Variants in TMEM74 observed in about 807,000 individuals in gnomAD.
TMEM74 encodes transmembrane protein 74.
Under a neutral mutation model 18.1 loss-of-function variants are expected in TMEM74, and 13 were observed. The observed-to-expected ratio is 0.72, with a 90% CI of 0.47 to 1.14. The LOEUF (loss-of-function observed/expected upper bound fraction) is 1.14. Among genes scored for constraint, TMEM74 ranks in the 50% most tolerant of loss-of-function variants. The pLI, the probability that TMEM74 is intolerant of heterozygous loss-of-function variation, is 0.00. For missense variants in TMEM74, 372 were observed against 375.9 expected (o/e 0.99, Z 0.09); for synonymous variants, 159 against 146.6 (o/e 1.08, Z -0.61).
chr8:108,749,959 T>A (rs1813888150), intron 1 of TMEM74, among the ~76,000 whole-genome samples: 1 of 152,116 alleles, frequency 6.6e-6, no homozygotes, highest in African/African-American at 2.4e-5. Flanking sequence ...TCTCCTTTCA[T>A]GACCTCTCCT....
At chr8:108,778,016 T>C (rs955845534), downstream of TMEM74, among the ~76,000 whole-genome samples, 1 of 152,182 alleles carries the variant, frequency 6.6e-6, no homozygotes, top group Non-Finnish European at 1.5e-5. Context: ...AAAGATCTAC[T>C]AAATTTGCCT....
intron 1 of TMEM74, among the ~76,000 whole-genome samples, chr8:108,772,215 T>C (rs1254636943): frequency 2.0e-5 from 3 of 152,204 alleles, no homozygotes; most frequent in Non-Finnish European, 4.4e-5. Flanking sequence ...TCATGTTTTC[T>C]AACTTTAATT....
intron 1 of TMEM74, among the ~76,000 whole-genome samples, chr8:108,772,152 T>C (rs983389075): frequency 6.6e-6 from 1 of 151,726 alleles, no homozygotes; most frequent in Admixed American, 6.5e-5. Flanking sequence ...AGACATACCT[T>C]AGCATTTGGC....
At chr8:108,643,697 G>A (rs529608722) in intron 2 of TMEM74, among the ~76,000 whole-genome samples, 2 of 151,260 alleles carry the variant, frequency 1.3e-5, no homozygotes, top group Admixed American at 6.6e-5. Flanking sequence ...TGGCAAGAAC[G>A]CATCTCTAAA....
At chr8:108,651,656 G>GGT (rs567542093) in intron 2 of TMEM74, among the ~76,000 whole-genome samples, 76 of 151,856 alleles carry the variant, frequency 5.0e-4, no homozygotes, top group African/African-American at 1.8e-3. Context: ...GGAGCTTTGA[G>GGT]GTGTGTGTGT....
chr8:108,760,973 AGTGTGTGTGTGT>A (rs60213902), intron 1 of TMEM74, among the ~76,000 whole-genome samples: 5 of 148,982 alleles, frequency 3.4e-5, no homozygotes, highest in African/African-American at 1.2e-4. Flanking sequence ...GTGGTTTTGG[AGTGTGTGTGTGT>A]GTGTGTGTGT....
intron 1 of TMEM74, among the ~76,000 whole-genome samples, chr8:108,672,608 GATGGAGCCCAGTTT>G (rs1345446720): frequency 2.6e-5 from 4 of 152,246 alleles, no homozygotes; most frequent in Admixed American, 2.6e-4. Context: ...ACTCACTCAG[GATGGAGCCCAGTTT>G]GACATTTGGG....
chr8:108,640,296 T>A (rs553801715), intron 2 of TMEM74, among the ~76,000 whole-genome samples: 4 of 151,490 alleles, frequency 2.6e-5, no homozygotes, highest in Non-Finnish European at 5.9e-5. Flanking sequence ...GTGTTTTTAG[T>A]AGAGACAGGG....
chr8:108,699,392 G>A (rs150303553), intron 1 of TMEM74, among the ~76,000 whole-genome samples: 3 of 151,746 alleles, frequency 2.0e-5, no homozygotes, highest in Non-Finnish European at 4.4e-5. Flanking sequence ...TCCTACTCTC[G>A]ACCATGCCTA....
intron 1 of TMEM74, among the ~76,000 whole-genome samples, chr8:108,715,640 C>G (rs1252509650): frequency 4.6e-5 from 7 of 151,864 alleles, no homozygotes; most frequent in Non-Finnish European, 1.0e-4. Flanking sequence ...ATCACTAGTA[C>G]ATTAAAAAGC....
At chr8:108,736,086 A>C (rs2130642730) in intron 1 of TMEM74, among the ~76,000 whole-genome samples, 1 of 152,014 alleles carries the variant, frequency 6.6e-6, no homozygotes, top group Non-Finnish European at 1.5e-5. Context: ...TCATTGAAAA[A>C]TCCCTAGTTT....
chr8:108,658,375 T>C lies in TMEM74; in HGVS notation n.120-2938A>G, dbSNP rs149953915. ...GCCTTATTATATTTGCTTTCTTTTA[T>C]GTCATGTGCTTACCTCTAGATCTGG... On this transcript the variant is annotated intron_variant and non_coding_transcript_variant, in intron 1 of 3. Transcript: ENST00000518838. Among the ~76,000 whole-genome samples the C allele has an allele frequency of 3.3e-3, 495 of 152,208 alleles. 5 individuals are homozygous for C. Among genetic ancestry groups the C allele is most frequent in the African/African-American group, 0.011 (470 of 41,534 alleles).
intron 1 of TMEM74, among the ~76,000 whole-genome samples, chr8:108,667,651 TA>T (rs1032794468): frequency 3.3e-5 from 5 of 152,116 alleles, no homozygotes; most frequent in African/African-American, 7.2e-5. Context: ...TATAGACTGG[TA>T]AAATTCAGAT....
chr8:108,638,764 G>A (rs752249358), intron 2 of TMEM74, among the ~76,000 whole-genome samples: 3 of 152,240 alleles, frequency 2.0e-5, no homozygotes, highest in Admixed American at 6.6e-5. Flanking sequence ...ATTGGCATGT[G>A]TAATTTTCAC....
chr8:108,617,904 C>A (rs1310430720), intron 2 of TMEM74, among the ~76,000 whole-genome samples: 1 of 152,112 alleles, frequency 6.6e-6, no homozygotes, highest in East Asian at 1.9e-4. Context: ...CTTTTCCCCA[C>A]CCCCATTCTC....
At chr8:108,659,535 C>T (rs894546748) in intron 1 of TMEM74, among the ~76,000 whole-genome samples, 1 of 152,046 alleles carries the variant, frequency 6.6e-6, no homozygotes, top group East Asian at 1.9e-4. Flanking sequence ...GCCTAGCTTC[C>T]CATTGCTTCA....
intron 2 of TMEM74, among the ~76,000 whole-genome samples, chr8:108,623,316 C>G (rs1002760683): frequency 6.6e-6 from 1 of 152,004 alleles, no homozygotes; most frequent in Non-Finnish European, 1.5e-5. Flanking sequence ...TCCAGATAAG[C>G]AAAACAAACA....
At chr8:108,749,447 G>C (rs1350247599) in intron 1 of TMEM74, among the ~76,000 whole-genome samples, 1 of 152,018 alleles carries the variant, frequency 6.6e-6, no homozygotes. Context: ...TTTGGCTCTT[G>C]CCTTGACTGT....
At chr8:108,636,830 A>G (rs1812611473) in intron 2 of TMEM74, among the ~76,000 whole-genome samples, 2 of 146,366 alleles carry the variant, frequency 1.4e-5, no homozygotes, top group South Asian at 4.1e-4. Context: ...CTGGGCATCC[A>G]GATCTCTTTA....
Sources: gnomAD v4.1 joint callset for allele counts (sites outside exome capture counted in the v4.1 genomes callset) on GRCh38, gnomAD v4.1.1 for gene constraint, MANE v1.5 for transcripts, NCBI Gene and HGNC (gene_info 2026-07-23, HGNC 2026-07-21) for gene names.